Variants in BACE2 observed in about 807,000 individuals in gnomAD.
The protein encoded by BACE2 is 56 kDa aspartic-like protease.
A neutral mutation model predicts 46.2 loss-of-function variants in BACE2; 17 were observed. The observed-to-expected ratio is 0.37, with a 90% CI of 0.25 to 0.55. The LOEUF is 0.55. BACE2 is among the 20% of genes least tolerant of loss of function. BACE2 has a pLI of 0.82. For missense variants in BACE2, 595 were observed against 698.1 expected, an observed-to-expected ratio of 0.85 and a Z score of 1.66; for synonymous variants, 277 against 295.9, an observed-to-expected ratio of 0.94 and a Z score of 0.66.
chr21:41,226,460 G>A, intron 2 of BACE2, 106 bp downstream of exon 2: 2 of 978,676 alleles, frequency 2.0e-6, no homozygotes, highest in East Asian at 2.4e-5. Flanking sequence ...TCATTTTAAG[G>A]GGGATACCAA....
intron 2 of BACE2, among the ~76,000 whole-genome samples, chr21:41,229,760 C>T (rs548144255): frequency 6.6e-6 from 1 of 152,326 alleles, no homozygotes; most frequent in African/African-American, 2.4e-5. Flanking sequence ...GTTTTGCATT[C>T]AAGTGGCAGA....
intron 1 of BACE2, among the ~76,000 whole-genome samples, chr21:41,188,040 A>G (rs1027164005): frequency 6.6e-6 from 1 of 152,196 alleles, no homozygotes; most frequent in Non-Finnish European, 1.5e-5. Flanking sequence ...TCATCCTTCC[A>G]TTAGTCAATA....
intron 2 of BACE2, among the ~76,000 whole-genome samples, chr21:41,227,608 C>T (rs186217529): frequency 6.6e-6 from 1 of 152,300 alleles, no homozygotes; most frequent in East Asian, 1.9e-4. Flanking sequence ...CAGGTGCTTG[C>T]TGGGGAGAGG....
At chr21:41,195,508 G>A (rs999144206) in intron 1 of BACE2, among the ~76,000 whole-genome samples, 1 of 152,290 alleles carries the variant, frequency 6.6e-6, no homozygotes, top group East Asian at 1.9e-4. Flanking sequence ...TCCATTCTCT[G>A]TGTTTCAATT....
At chr21:41,195,323 G>T (rs915933410) in intron 1 of BACE2, among the ~76,000 whole-genome samples, 1 of 152,220 alleles carries the variant, frequency 6.6e-6, no homozygotes, top group African/African-American at 2.4e-5. Flanking sequence ...ATAAGTCCCT[G>T]TTGGCCACCT....
In BACE2 at chr21:41,237,544, G is replaced by A. The variant is rs369116567; in HGVS notation, c.433G>A (p.Val145Ile). 54 of 1,614,000 alleles carry A rather than the reference G, an allele frequency of 3.3e-5. No individual in the cohort carries two copies. Among genetic ancestry groups the A allele is most frequent in the Non-Finnish European group, 3.9e-5 (46 of 1,180,016 alleles). Residue 145 changes from valine (V) to isoleucine (I), a missense_variant, in exon 3 of 9, where the codon GTC becomes ATC. This residue lies in a region of BACE2 where 248 missense variants were observed against 261.4 expected (regional missense o/e 0.95). Transcript: ENST00000330333. The stretch of plus-strand genomic sequence containing the variant: ...CACATACCGCTCCAAGGGCTTTGAC[G>A]TCACAGTGAAGTACACACAAGGAAG... ...SSTYRSKGFD[V>I]TVKYTQGSWT...
At chr21:41,246,098 G>A (rs763408928) in intron 6 of BACE2, 35 bp downstream of exon 6, 1 of 1,539,124 alleles carries the variant, frequency 6.5e-7, no homozygotes, top group Non-Finnish European at 8.8e-7. Flanking sequence ...TCCCCGAGTT[G>A]CTGAGTTACA....
intron 1 of BACE2, among the ~76,000 whole-genome samples, chr21:41,187,241 C>A (rs1985411854): frequency 6.6e-6 from 1 of 152,230 alleles, no homozygotes; most frequent in Non-Finnish European, 1.5e-5. Flanking sequence ...TCCCTCCTGC[C>A]AACCGTGGGT....
rs1208676711 is a variant in BACE2 at position 41,204,623 on chromosome 21, T to C, written c.313-21643T>C. Among the ~76,000 whole-genome samples the C allele has an allele frequency of 2.0e-5, 3 of 152,232 alleles. No homozygotes were observed. In the East Asian group the frequency reaches 5.8e-4, roughly 29 times the overall value. On this transcript the variant is annotated intron_variant, in intron 1 of 8. Coordinates refer to ENST00000330333, the MANE Select transcript of BACE2 (RefSeq NM_012105.5). ...GTTGAAGACTTTGCCAAGGTTAATA[T>C]GTTGCAATTTTTTTCTCCAAGTCTT...
At chr21:41,171,827 G>C (rs1984620820) in intron 1 of BACE2, among the ~76,000 whole-genome samples, 1 of 152,200 alleles carries the variant, frequency 6.6e-6, no homozygotes, top group Non-Finnish European at 1.5e-5. Context: ...AGGTAAAGCA[G>C]ACAGCAAAAC....
intron 1 of BACE2, among the ~76,000 whole-genome samples, chr21:41,197,946 G>A (rs1985798135): frequency 6.6e-6 from 1 of 152,254 alleles, no homozygotes; most frequent in African/African-American, 2.4e-5. Flanking sequence ...ATATGCATAA[G>A]GGGTAGATAT....
rs554342657 is a variant in BACE2, at chr21:41,215,689, G to A, written c.313-10577G>A. 7.2e-5 allele frequency among the ~76,000 whole-genome samples: 11 copies of A among 152,298 alleles called. No homozygotes were observed. In the East Asian group the frequency reaches 1.9e-3, roughly 27 times the overall value. ...GGAAGCAGGGAACAGGGGCGGGGAC[G>A]TCGGGACCTCCATGGGCTGTTTCAC... On this transcript the variant is annotated intron_variant, in intron 1 of 8. Coordinates refer to ENST00000330333, the MANE Select transcript of BACE2 (RefSeq NM_012105.5).
intron 1 of BACE2, among the ~76,000 whole-genome samples, chr21:41,187,737 T>A (rs1985428416): frequency 6.6e-6 from 1 of 152,092 alleles, no homozygotes; most frequent in East Asian, 1.9e-4. Context: ...TGTTTGAGGT[T>A]ATAAACAACC....
At chr21:41,192,134 A>G (rs1175800187) in intron 1 of BACE2, among the ~76,000 whole-genome samples, 1 of 152,218 alleles carries the variant, frequency 6.6e-6, no homozygotes, top group Non-Finnish European at 1.5e-5. Context: ...TGGATGCCCT[A>G]GAAAGGGGCT....
intron 1 of BACE2, among the ~76,000 whole-genome samples, chr21:41,187,026 TCA>T (rs1985402828): frequency 6.6e-6 from 1 of 152,224 alleles, no homozygotes; most frequent in Non-Finnish European, 1.5e-5. Context: ...TAGCTAGTGC[TCA>T]GTTTGGTCCT....
chr21:41,224,209 A>ATTTTTTTTTTTTTTTTTTTTTTATTTTT (rs1986740193), intron 1 of BACE2, among the ~76,000 whole-genome samples: 1 of 98,906 alleles, frequency 1.0e-5, no homozygotes, highest in African/African-American at 4.5e-5. Flanking sequence ...GCCTATTTTG[A>ATTTTTTTTTTTTTTTTTTTTTTATTTTT]TTTTTTTTTT....
intron 4 of BACE2, among the ~76,000 whole-genome samples, chr21:41,243,016 C>A (rs368552895): frequency 6.6e-6 from 1 of 152,054 alleles, no homozygotes; most frequent in Non-Finnish European, 1.5e-5. Context: ...CCTGTTCAAG[C>A]GATTCTCCTG....
chr21:41,200,080 A>C lies in BACE2; in HGVS notation c.313-26186A>C, dbSNP rs557332760. The stretch of plus-strand genomic sequence containing the variant: ...GGGAGGAATAGCATTAGGAGATATA[A>C]CTAATGTCAAATGATGAGTTGATGG... On this transcript the variant is annotated intron_variant, in intron 1 of 8. Coordinates refer to ENST00000330333, the MANE Select transcript of BACE2 (RefSeq NM_012105.5). Among the ~76,000 whole-genome samples, 84 of 151,464 alleles carry C rather than the reference A, an allele frequency of 5.5e-4. 3 individuals are homozygous for C. In the South Asian group the frequency reaches 0.016, roughly 28 times the overall value.
At chr21:41,209,482 G>T (rs895210884) in intron 1 of BACE2, among the ~76,000 whole-genome samples, 1 of 152,204 alleles carries the variant, frequency 6.6e-6, no homozygotes, top group Non-Finnish European at 1.5e-5. Flanking sequence ...ATGCCAGTCT[G>T]GTGGATAATT....
Sources: allele counts gnomAD v4.1 joint callset (sites outside exome capture counted in the v4.1 genomes callset), GRCh38; gene constraint gnomAD v4.1.1; regional missense constraint gnomAD v4.1.1; transcripts MANE v1.5; gene names NCBI Gene and HGNC (gene_info 2026-07-23, HGNC 2026-07-21).